Variants in GPC5 observed in about 807,000 individuals in gnomAD.
The protein encoded by GPC5 is glypican 5.
Under a neutral mutation model 53.9 loss-of-function variants are expected in GPC5, and 47 were observed. The observed-to-expected ratio is 0.87, with a 90% CI of 0.69 to 1.11. The LOEUF (loss-of-function observed/expected upper bound fraction) is 1.11, where lower values mean the gene tolerates loss of function less well. Among genes scored for constraint, GPC5 ranks in the 50% most tolerant of loss-of-function variants. GPC5 has a pLI of 0.00. For missense variants in GPC5, 748 were observed against 713.1 expected (o/e 1.05, Z -0.56); for synonymous variants, 286 against 263.3 (o/e 1.09, Z -0.84).
At chr13:92,465,619 A>C (rs1878661309) in intron 7 of GPC5, among the ~76,000 whole-genome samples, 1 of 152,100 alleles carries the variant, frequency 6.6e-6, no homozygotes, top group African/African-American at 2.4e-5. Context: ...GTGGATGGCC[A>C]CATCATTTCC....
At chr13:92,758,668 C>G (rs1285214034) in intron 7 of GPC5, among the ~76,000 whole-genome samples, 3 of 152,020 alleles carry the variant, frequency 2.0e-5, no homozygotes. Flanking sequence ...AGATTATACT[C>G]CTTAAAATAA....
chr13:91,801,209 A>G (rs542784954), intron 5 of GPC5, among the ~76,000 whole-genome samples: 11 of 151,652 alleles, frequency 7.3e-5, no homozygotes, highest in Non-Finnish European at 1.5e-4. Flanking sequence ...ATCTAAATCC[A>G]AACCAGATGT....
chr13:92,467,112 G>A (rs9589548), intron 7 of GPC5, among the ~76,000 whole-genome samples: 3,845 of 152,166 alleles, frequency 0.025, 148 homozygotes, highest in African/African-American at 0.088. Context: ...TCGGATATGT[G>A]AGCAAGCCTT....
rs1226233117 is a variant in GPC5 at position 92,859,181 on chromosome 13, C to G, written c.1562-7101C>G. On this transcript the variant is annotated intron_variant, in intron 7 of 7. Coordinates refer to ENST00000377067, the MANE Select transcript of GPC5 (RefSeq NM_004466.6). ...AGAGGATTGCTTGAGCCCAGGAGTT[C>G]TAGACTGCAGTGAGCTATGATGGTA... 2.0e-5 allele frequency among the ~76,000 whole-genome samples: 3 copies of G among 152,084 alleles called. No homozygotes were observed. In the South Asian group the frequency reaches 6.2e-4, roughly 32 times the overall value.
intron 2 of GPC5, among the ~76,000 whole-genome samples, chr13:91,691,238 C>G (rs1272791988): frequency 6.6e-6 from 1 of 152,122 alleles, no homozygotes; most frequent in Non-Finnish European, 1.5e-5. Context: ...TATTTGCAAC[C>G]GCAATGTTTC....
chr13:92,864,268 T>A (rs776052744), intron 7 of GPC5, among the ~76,000 whole-genome samples: 1 of 152,064 alleles, frequency 6.6e-6, no homozygotes, highest in African/African-American at 2.4e-5. Context: ...GTTACATTTA[T>A]TTATTAGTAA....
intron 7 of GPC5, among the ~76,000 whole-genome samples, chr13:92,652,902 C>T (rs184953871): frequency 5.7e-4 from 86 of 152,164 alleles, no homozygotes; most frequent in African/African-American, 1.8e-3. Context: ...CAATATCCAG[C>T]GTGGGCCCAT....
chr13:91,619,368 A>G (rs1236004765), intron 2 of GPC5, among the ~76,000 whole-genome samples: 1 of 152,228 alleles, frequency 6.6e-6, no homozygotes, highest in East Asian at 1.9e-4. Context: ...GCAAACCATT[A>G]TAATATATCT....
At chr13:92,343,736 A>G (rs1437587446) in intron 7 of GPC5, among the ~76,000 whole-genome samples, 3 of 152,098 alleles carry the variant, frequency 2.0e-5, no homozygotes, top group Non-Finnish European at 4.4e-5. Flanking sequence ...CAGTTCCAAC[A>G]TTTGAACTGA....
At chr13:91,411,850 A>G (rs1469937980) in intron 1 of GPC5, among the ~76,000 whole-genome samples, 1 of 152,240 alleles carries the variant, frequency 6.6e-6, no homozygotes, top group African/African-American at 2.4e-5. Flanking sequence ...ATGTCAAGCC[A>G]CAGCTTTCAG....
intron 2 of GPC5, among the ~76,000 whole-genome samples, chr13:91,575,756 T>G (rs2032108389): frequency 6.6e-6 from 1 of 152,148 alleles, no homozygotes. Flanking sequence ...GAAAATTGAG[T>G]CTTTTTCCCA....
At chr13:92,496,432 G>C (rs12875564) in intron 7 of GPC5, among the ~76,000 whole-genome samples, 98 of 152,182 alleles carry the variant, frequency 6.4e-4, no homozygotes, top group Admixed American at 1.1e-3. Context: ...TGTGTCACTC[G>C]ATTTTTCTCA....
chr13:92,292,883 T>G (rs1459685414), intron 7 of GPC5, among the ~76,000 whole-genome samples: 1 of 152,164 alleles, frequency 6.6e-6, no homozygotes, highest in Non-Finnish European at 1.5e-5. Flanking sequence ...CTCCTACATG[T>G]GGCTAGCCAA....
chr13:91,597,955 AT>A, intron 2 of GPC5, among the ~76,000 whole-genome samples: 1 of 152,062 alleles, frequency 6.6e-6, no homozygotes, highest in East Asian at 1.9e-4. Flanking sequence ...CGGATGCTCA[AT>A]TTATGTTGAA....
chr13:92,210,072 G>A (rs114936274), intron 7 of GPC5, among the ~76,000 whole-genome samples: 1 of 151,958 alleles, frequency 6.6e-6, no homozygotes, highest in Non-Finnish European at 1.5e-5. Context: ...CCAGATTGAG[G>A]GTGGATCGGC....
At chr13:92,490,909 G>C (rs1443128051) in intron 7 of GPC5, among the ~76,000 whole-genome samples, 2 of 152,016 alleles carry the variant, frequency 1.3e-5, no homozygotes, top group East Asian at 3.9e-4. Context: ...TACTTATCAT[G>C]AAAGAAGCCT....
intron 7 of GPC5, among the ~76,000 whole-genome samples, chr13:92,655,929 C>A (rs1886118623): frequency 6.6e-6 from 1 of 152,106 alleles, no homozygotes; most frequent in African/African-American, 2.4e-5. Context: ...ATCTTGAAAA[C>A]CTGCTACATA....
intron 7 of GPC5, among the ~76,000 whole-genome samples, chr13:92,656,585 C>T (rs534196652): frequency 6.6e-6 from 1 of 152,202 alleles, no homozygotes; most frequent in African/African-American, 2.4e-5. Context: ...TATATACCCA[C>T]CCACTCACAA....
intron 7 of GPC5, among the ~76,000 whole-genome samples, chr13:92,472,948 G>A (rs1326624848): frequency 6.6e-6 from 1 of 151,936 alleles, no homozygotes; most frequent in Non-Finnish European, 1.5e-5. Flanking sequence ...TTTATGATTG[G>A]CTTTTGATAC....
Sources: allele counts gnomAD v4.1 joint callset (sites outside exome capture counted in the v4.1 genomes callset), GRCh38; gene constraint gnomAD v4.1.1; transcripts MANE v1.5; gene names NCBI Gene and HGNC (gene_info 2026-07-23, HGNC 2026-07-21).